RBM19: variants seen among roughly 807,000 people sequenced by gnomAD.
The protein encoded by RBM19 is RNA binding motif protein 19, also known as probable RNA-binding protein 19.
RBM19 carries 94 observed loss-of-function variants against 116.8 expected under a neutral mutation model. The ratio of observed to expected loss-of-function variants is 0.80; its 90% CI spans 0.68 to 0.95. RBM19 has a LOEUF of 0.95. RBM19 is among the 40% of genes least tolerant of loss of function. The probability of loss-of-function intolerance (pLI) is 0.00; values close to 1 mark genes in which losing one functional copy is unlikely to be tolerated. For synonymous variants in RBM19, 475 were observed against 494.1 expected (o/e 0.96, Z 0.51); for missense variants, 1,161 against 1,220.7 (o/e 0.95, Z 0.73).
intron 23 of RBM19, among the ~76,000 whole-genome samples, chr12:113,831,369 C>A (rs1565961063): frequency 6.6e-6 from 1 of 152,112 alleles, no homozygotes; most frequent in African/African-American, 2.4e-5. Context: ...CCAGGCTGGG[C>A]CAGCCTACAG....
intron 21 of RBM19, among the ~76,000 whole-genome samples, chr12:113,875,082 C>T (rs866550866): frequency 1.3e-5 from 2 of 152,240 alleles, no homozygotes; most frequent in African/African-American, 2.4e-5. Context: ...ATGCAAGCGG[C>T]GAAGCCACGG....
chr12:113,820,883 G>T (rs1443970683), downstream of RBM19, among the ~76,000 whole-genome samples: 2 of 152,192 alleles, frequency 1.3e-5, no homozygotes, highest in African/African-American at 4.8e-5. Flanking sequence ...TCACTCTCCT[G>T]CAGTTCCTGA....
intron 20 of RBM19, among the ~76,000 whole-genome samples, chr12:113,918,134 A>AAAAAAAAG (rs2135859193): frequency 7.8e-6 from 1 of 128,902 alleles, no homozygotes; most frequent in East Asian, 2.2e-4. Context: ...TCTTATTAAA[A>AAAAAAAAG]AAAAAAAGAA....
intron 16 of RBM19, among the ~76,000 whole-genome samples, chr12:113,928,414 G>GCACA (rs1363722576): frequency 2.3e-5 from 1 of 44,008 alleles, no homozygotes; most frequent in Non-Finnish European, 4.7e-5. Context: ...ACATACATGT[G>GCACA]CATACACACA....
chr12:113,894,365 T>G lies in RBM19; in HGVS notation c.2558+20604A>C, dbSNP rs184390731. On this transcript the variant is annotated intron_variant, in intron 21 of 23. Coordinates refer to ENST00000261741, the MANE Select transcript of RBM19 (RefSeq NM_016196.4). ...GCCTTGTTAATCTTGAAGTTTTAGG[T>G]ACCAAAATACAAACAGAACATGCCC... 2.4e-3 allele frequency among the ~76,000 whole-genome samples: 372 copies of G among 152,348 alleles called. 3 individuals are homozygous for G. The highest frequency in any genetic ancestry group is 0.01 in the Middle Eastern group (3 of 294).
intron 21 of RBM19, among the ~76,000 whole-genome samples, chr12:113,866,646 T>C (rs1878828172): frequency 6.6e-6 from 1 of 152,138 alleles, no homozygotes; most frequent in Non-Finnish European, 1.5e-5. Context: ...TTGTCAAAAA[T>C]GCAATGTTCT....
At chr12:113,908,021 G>A (rs1010665871) in intron 21 of RBM19, among the ~76,000 whole-genome samples, 7 of 152,176 alleles carry the variant, frequency 4.6e-5, no homozygotes, top group Admixed American at 1.3e-4. Flanking sequence ...GCAGAGGAGA[G>A]ACACCTGGGG....
chr12:113,935,381 A>G (rs934351315), intron 16 of RBM19, among the ~76,000 whole-genome samples: 1 of 152,050 alleles, frequency 6.6e-6, no homozygotes. Context: ...TTTGGGGGAG[A>G]CAGTTAAGAA....
intron 21 of RBM19, among the ~76,000 whole-genome samples, chr12:113,865,351 T>C (rs926784322): frequency 3.3e-5 from 5 of 152,226 alleles, no homozygotes; most frequent in African/African-American, 9.6e-5. Flanking sequence ...AGGCCTTCTG[T>C]GACCATCCTA....
intron 21 of RBM19, among the ~76,000 whole-genome samples, chr12:113,894,070 T>G (rs931484797): frequency 6.6e-6 from 1 of 152,166 alleles, no homozygotes; most frequent in Non-Finnish European, 1.5e-5. Flanking sequence ...CATAGCTCCC[T>G]TTTCTACCTC....
intron 21 of RBM19, among the ~76,000 whole-genome samples, chr12:113,871,700 CA>C (rs1400766221): frequency 2.0e-5 from 3 of 152,224 alleles, no homozygotes; most frequent in Non-Finnish European, 2.9e-5. Context: ...CTATTTAGGA[CA>C]GGGGCAAACA....
At chr12:113,904,570 G>A (rs1055934970) in intron 21 of RBM19, among the ~76,000 whole-genome samples, 1 of 152,098 alleles carries the variant, frequency 6.6e-6, no homozygotes, top group African/African-American at 2.4e-5. Context: ...ATCGTTAATG[G>A]TGCCTTGCTC....
chr12:113,953,385 G>A (rs1871637093), intron 7 of RBM19, among the ~76,000 whole-genome samples: 1 of 152,176 alleles, frequency 6.6e-6, no homozygotes, highest in Admixed American at 6.5e-5. Flanking sequence ...CTACCCGAGA[G>A]GCTGAGGCAG....
rs142788245 is a variant in RBM19 at position 113,936,691 on chromosome 12, C to A, written c.2068+316G>T. Among the ~76,000 whole-genome samples, 1,124 of 152,346 alleles carry A rather than the reference C, an allele frequency of 7.4e-3. 8 individuals are homozygous for A. The highest frequency in any genetic ancestry group is 0.025 in the African/African-American group (1,042 of 41,580). The stretch of plus-strand genomic sequence containing the variant: ...ATCTCCCATACCAGCCACCCTCCTC[C>A]ATGAGCCATTCTGGTCCATCTCTGA... On this transcript the variant is annotated intron_variant, in intron 16 of 23. Coordinates refer to ENST00000261741, the MANE Select transcript of RBM19 (RefSeq NM_016196.4).
intron 20 of RBM19, among the ~76,000 whole-genome samples, chr12:113,916,765 A>G (rs1227187710): frequency 1.3e-5 from 2 of 152,208 alleles, no homozygotes; most frequent in Admixed American, 1.3e-4. Context: ...TCTTAATGAC[A>G]GATCTACCAG....
At chr12:113,900,312 C>T (rs1881607437) in intron 21 of RBM19, among the ~76,000 whole-genome samples, 1 of 152,202 alleles carries the variant, frequency 6.6e-6, no homozygotes, top group Admixed American at 6.5e-5. Context: ...AGCCTCATGG[C>T]AGATAAATGA....
chr12:113,875,182 C>G (rs1197683387), intron 21 of RBM19, among the ~76,000 whole-genome samples: 1 of 152,216 alleles, frequency 6.6e-6, no homozygotes, highest in Non-Finnish European at 1.5e-5. Context: ...TGCCGCAGAG[C>G]CTGCCAGTGC....
chr12:113,947,686 T>G (rs1245301909), intron 10 of RBM19, among the ~76,000 whole-genome samples: 3 of 152,186 alleles, frequency 2.0e-5, no homozygotes, highest in Non-Finnish European at 4.4e-5. Flanking sequence ...AGCCTCCCCA[T>G]GCCTCAGTCT....
chr12:113,908,705 G>A (rs1256214921), intron 21 of RBM19, among the ~76,000 whole-genome samples: 1 of 151,388 alleles, frequency 6.6e-6, no homozygotes, highest in Non-Finnish European at 1.5e-5. Flanking sequence ...GTTCCAGGGC[G>A]ATAAGTGAAG....
Sources: gnomAD v4.1 joint callset for allele counts (sites outside exome capture counted in the v4.1 genomes callset) on GRCh38, gnomAD v4.1.1 for gene constraint, MANE v1.5 for transcripts, NCBI Gene and HGNC (gene_info 2026-07-23, HGNC 2026-07-21) for gene names.